Variants in LGSN observed in about 807,000 individuals in gnomAD.
The protein encoded by LGSN is lengsin.
LGSN carries 21 observed loss-of-function variants against 19.5 expected under a neutral mutation model. The ratio of observed to expected loss-of-function variants is 1.07; its 90% CI spans 0.76 to 1.55. LGSN has a LOEUF of 1.55. LGSN is among the 40% of genes most tolerant of loss of function. The pLI is 0.00. For synonymous variants in LGSN, 257 were observed against 215.6 expected, an observed-to-expected ratio of 1.19 and a Z score of -1.68; for missense variants, 673 against 608.5, an observed-to-expected ratio of 1.11 and a Z score of -1.12.
chr6:63,569,061 T>C, the LGSN span, among the ~76,000 whole-genome samples: 1 of 152,204 alleles, frequency 6.6e-6, no homozygotes, highest in South Asian at 2.1e-4. Context: ...CAGACTTCCT[T>C]GTAGCCCCAA....
At chr6:63,351,997 G>A in the LGSN span, among the ~76,000 whole-genome samples, 8 of 152,116 alleles carry the variant, frequency 5.3e-5, no homozygotes, top group African/African-American at 9.7e-5. Context: ...TAATGACCTC[G>A]TAGATATGGT....
At chr6:63,556,632 G>C in the LGSN span, among the ~76,000 whole-genome samples, 7 of 152,130 alleles carry the variant, frequency 4.6e-5, no homozygotes, top group Admixed American at 1.3e-4. Flanking sequence ...CTGAGCAAAG[G>C]CTTTGCCAAA....
At chr6:63,455,028 G>C in the LGSN span, among the ~76,000 whole-genome samples, 2 of 145,784 alleles carry the variant, frequency 1.4e-5, no homozygotes, top group East Asian at 4.2e-4. Context: ...TGTGACCTCA[G>C]GTGATCCAGC....
intron 1 of LGSN, among the ~76,000 whole-genome samples, chr6:63,311,071 G>C (rs1768608410): frequency 6.6e-6 from 1 of 152,134 alleles, no homozygotes; most frequent in Non-Finnish European, 1.5e-5. Flanking sequence ...GCTTTGACTG[G>C]ACCACTTCTA....
the LGSN span, among the ~76,000 whole-genome samples, chr6:63,377,931 A>AAAAAG: frequency 0.013 from 1,662 of 124,754 alleles, 18 homozygotes; most frequent in East Asian, 0.023. Context: ...AAAAAAAAAA[A>AAAAAG]AAAAGAAAAG....
chr6:63,524,578 TCA>T, the LGSN span, among the ~76,000 whole-genome samples: 4 of 152,164 alleles, frequency 2.6e-5, no homozygotes, highest in Non-Finnish European at 4.4e-5. Context: ...ATGAAGCAAT[TCA>T]CAGTTTTTAA....
the LGSN span, among the ~76,000 whole-genome samples, chr6:63,453,810 C>A: frequency 6.6e-6 from 1 of 152,038 alleles, no homozygotes; most frequent in Non-Finnish European, 1.5e-5. Context: ...CCCGCCACCA[C>A]GCCCGGCTAA....
chr6:63,558,607 C>G, the LGSN span, among the ~76,000 whole-genome samples: 1 of 152,152 alleles, frequency 6.6e-6, no homozygotes, highest in African/African-American at 2.4e-5. Context: ...CTCAGTTCAT[C>G]CCATGGAAAT....
the LGSN span, among the ~76,000 whole-genome samples, chr6:63,565,872 T>A: frequency 6.6e-6 from 1 of 152,260 alleles, no homozygotes; most frequent in Non-Finnish European, 1.5e-5. Context: ...CACTTTTTAA[T>A]ATAGAGCATG....
chr6:63,535,571 A>T, the LGSN span, among the ~76,000 whole-genome samples: 1 of 152,246 alleles, frequency 6.6e-6, no homozygotes, highest in Non-Finnish European at 1.5e-5. Flanking sequence ...CCAGTTGTAC[A>T]TATGTGTCAT....
chr6:63,483,232 A>T, the LGSN span, among the ~76,000 whole-genome samples: 1 of 152,196 alleles, frequency 6.6e-6, no homozygotes, highest in Non-Finnish European at 1.5e-5. Flanking sequence ...ATGTAACCAA[A>T]GGTCCAGATT....
intron 2 of LGSN, among the ~76,000 whole-genome samples, chr6:63,293,083 T>C (rs975824116): frequency 1.2e-4 from 19 of 152,150 alleles, no homozygotes; most frequent in Non-Finnish European, 2.8e-4. Context: ...ACAACTCACC[T>C]CAACCTCCTG....
the LGSN span, among the ~76,000 whole-genome samples, chr6:63,494,388 A>G: frequency 6.6e-6 from 1 of 152,178 alleles, no homozygotes; most frequent in Non-Finnish European, 1.5e-5. Flanking sequence ...TATATGTAAC[A>G]TGTAATATGT....
chr6:63,513,292 C>T, the LGSN span, among the ~76,000 whole-genome samples: 1 of 152,164 alleles, frequency 6.6e-6, no homozygotes, highest in South Asian at 2.1e-4. Flanking sequence ...TGCAGATTGC[C>T]ATGAAATCTC....
chr6:63,567,701 G>A, the LGSN span, among the ~76,000 whole-genome samples: 13 of 152,278 alleles, frequency 8.5e-5, no homozygotes, highest in South Asian at 6.2e-4. Flanking sequence ...CCTGTCCTTC[G>A]AAGCTTTGAA....
At chr6:63,416,258 G>A in the LGSN span, among the ~76,000 whole-genome samples, 169 of 152,010 alleles carry the variant, frequency 1.1e-3, no homozygotes, top group South Asian at 1.9e-3. Flanking sequence ...CTGCCAACAC[G>A]GGCATACATG....
the LGSN span, among the ~76,000 whole-genome samples, chr6:63,551,213 G>A: frequency 2.8e-4 from 43 of 151,808 alleles, no homozygotes; most frequent in African/African-American, 7.7e-4. Context: ...CTACAGGGGC[G>A]CGCCACCACA....
At chr6:63,560,062 T>C in the LGSN span, among the ~76,000 whole-genome samples, 1 of 152,170 alleles carries the variant, frequency 6.6e-6, no homozygotes, top group Non-Finnish European at 1.5e-5. Context: ...TCATAACATA[T>C]CTAACCAATT....
At chr6:63,388,806 G>A in the LGSN span, among the ~76,000 whole-genome samples, 12 of 152,304 alleles carry the variant, frequency 7.9e-5, no homozygotes, top group Middle Eastern at 6.8e-3. Flanking sequence ...ACAAGACAGA[G>A]AACTTGTTGT....
Sources: allele counts gnomAD v4.1 joint callset (sites outside exome capture counted in the v4.1 genomes callset), GRCh38; gene constraint gnomAD v4.1.1; transcripts MANE v1.5; gene names NCBI Gene and HGNC (gene_info 2026-07-23, HGNC 2026-07-21).